Variants in RSPO2 observed in about 807,000 individuals in gnomAD.
The protein encoded by RSPO2 is R-spondin-2.
RSPO2 carries 14 observed loss-of-function variants against 30.9 expected under a neutral mutation model. That is an observed-to-expected ratio of 0.45 (90% CI 0.30 to 0.71). The LOEUF (loss-of-function observed/expected upper bound fraction) is 0.71, where lower values mean the gene tolerates loss of function less well. RSPO2 is among the 30% of genes least tolerant of loss of function. The pLI, the probability that RSPO2 is intolerant of heterozygous loss-of-function variation, is 0.08. For missense variants in RSPO2, 264 were observed against 301.9 expected (o/e 0.87, Z 0.93); for synonymous variants, 107 against 96.4 (o/e 1.11, Z -0.64).
At position 107,975,785 on chromosome 8, in the gene RSPO2, T is replaced by C. The variant is rs564460320; in HGVS notation, c.283+13271A>G. Reference sequence around the variant, plus strand: ...TAAAATCAATTGACAATTGTGAGATTTTCTAGATATACGGTTTTATCCCAG... The same window carrying C: ...TAAAATCAATTGACAATTGTGAGATCTTCTAGATATACGGTTTTATCCCAG... On this transcript the variant is annotated intron_variant, in intron 3 of 5. Transcript: ENST00000276659. Among the ~76,000 whole-genome samples, 7 of 152,324 alleles carry C rather than the reference T, an allele frequency of 4.6e-5. No individual in the cohort carries two copies. The South Asian group carries it at 1.4e-3, about 32-fold the overall frequency.
intron 2 of RSPO2, among the ~76,000 whole-genome samples, chr8:108,032,034 A>C (rs1192077817): frequency 6.6e-6 from 1 of 152,206 alleles, no homozygotes; most frequent in Non-Finnish European, 1.5e-5. Flanking sequence ...AGCTACAGCT[A>C]CAGCTATGGC....
At chr8:107,983,908 A>T (rs1204531206) in intron 3 of RSPO2, 3 of 1,317,788 alleles carry the variant, frequency 2.3e-6, no homozygotes, top group Admixed American at 1.8e-5. Flanking sequence ...TGGATTTTCC[A>T]TCTACAGAAC....
chr8:107,949,312 A>G (rs985761233), intron 5 of RSPO2, among the ~76,000 whole-genome samples: 1 of 152,158 alleles, frequency 6.6e-6, no homozygotes, highest in Middle Eastern at 3.2e-3. Context: ...AACTCCACCC[A>G]GGTTGCTGCA....
intron 3 of RSPO2, among the ~76,000 whole-genome samples, chr8:107,988,258 T>G (rs1009870273): frequency 9.2e-5 from 14 of 152,078 alleles, no homozygotes; most frequent in Non-Finnish European, 1.5e-5. Context: ...CCTAAACATT[T>G]TAGTTATATT....
chr8:108,053,744 A>G (rs932963104), intron 2 of RSPO2, among the ~76,000 whole-genome samples: 1 of 152,206 alleles, frequency 6.6e-6, no homozygotes, highest in African/African-American at 2.4e-5. Context: ...AGTTATTACA[A>G]TTCTATACTT....
At position 108,083,202 on chromosome 8, in the gene RSPO2, G is replaced by C. The variant is rs1437399424; in HGVS notation, c.-175C>G. ...CCTTGGTGTGGGTTGCCTACCGTGC[G>C]CACGTCTCGGGCGGCGCGGCCTCCC... On this transcript the variant is annotated 5_prime_UTR_variant, in exon 1 of 6. Transcript: ENST00000276659. The C allele has an allele frequency of 6.6e-6, 1 of 152,340 alleles. No homozygotes were observed. The highest frequency in any genetic ancestry group is 2.4e-5 in the African/African-American group (1 of 41,470). The allele number at this position is 152,340 out of a possible 1,614,324, so 9.4% of individuals were successfully genotyped here.
chr8:108,063,188 C>A (rs1298458539), intron 2 of RSPO2, among the ~76,000 whole-genome samples: 1 of 151,720 alleles, frequency 6.6e-6, no homozygotes, highest in East Asian at 1.9e-4. Flanking sequence ...CCAGGGCAAT[C>A]AGGCAGGAGA....
intron 2 of RSPO2, among the ~76,000 whole-genome samples, chr8:108,080,832 A>G (rs1193514681): frequency 6.6e-6 from 1 of 152,210 alleles, no homozygotes; most frequent in African/African-American, 2.4e-5. Context: ...AGTTTTTCTA[A>G]GTAGACTGCA....
chr8:107,937,325 G>A (rs1035293800), intron 5 of RSPO2, among the ~76,000 whole-genome samples: 1 of 151,876 alleles, frequency 6.6e-6, no homozygotes, highest in African/African-American at 2.4e-5. Context: ...TTTATTTCTG[G>A]ACTATTTTGT....
At chr8:108,024,983 T>C (rs1473696325) in intron 2 of RSPO2, among the ~76,000 whole-genome samples, 2 of 152,116 alleles carry the variant, frequency 1.3e-5, no homozygotes, top group African/African-American at 4.8e-5. Flanking sequence ...CATGCCACTG[T>C]ACTCCAGTCT....
At position 107,926,749 on chromosome 8, in the gene RSPO2, G is replaced by A. The variant is rs1478686892; in HGVS notation, c.617-25559C>T. On this transcript the variant is annotated intron_variant, in intron 5 of 5. Coordinates refer to ENST00000276659, the MANE Select transcript of RSPO2 (RefSeq NM_178565.5). Reference sequence around the variant, plus strand: ...CTGAGGGCTCTGTTCTGTTCCATTGGTCAATATCTCTATTTTGGTACCAGT... The same window carrying A: ...CTGAGGGCTCTGTTCTGTTCCATTGATCAATATCTCTATTTTGGTACCAGT... 8.6e-5 allele frequency among the ~76,000 whole-genome samples: 13 copies of A among 152,032 alleles called. 1 individual carries two copies. The highest frequency in any genetic ancestry group is 2.0e-4 in the Admixed American group (3 of 15,242).
intron 2 of RSPO2, among the ~76,000 whole-genome samples, chr8:108,051,561 G>C (rs1447523683): frequency 6.6e-6 from 1 of 152,222 alleles, no homozygotes; most frequent in Non-Finnish European, 1.5e-5. Flanking sequence ...GAGCAGGGCA[G>C]AAGACTCAGG....
chr8:108,003,033 A>G (rs1375378418), intron 2 of RSPO2, among the ~76,000 whole-genome samples: 1 of 149,464 alleles, frequency 6.7e-6, no homozygotes, highest in Non-Finnish European at 1.5e-5. Context: ...AGACTTGCAC[A>G]GAATTTAGAC....
At chr8:107,981,604 C>T (rs1814437006) in intron 3 of RSPO2, among the ~76,000 whole-genome samples, 1 of 152,094 alleles carries the variant, frequency 6.6e-6, no homozygotes, top group African/African-American at 2.4e-5. Context: ...TTTAAAAACA[C>T]CTAAATAGTG....
chr8:107,976,610 G>A (rs1267417916), intron 3 of RSPO2, among the ~76,000 whole-genome samples: 1 of 152,156 alleles, frequency 6.6e-6, no homozygotes, highest in Non-Finnish European at 1.5e-5. Context: ...TGATCTCACA[G>A]TCTCTGCTAA....
At chr8:107,961,707 CACTGACCTTACAAA>C (rs1251452133) in intron 3 of RSPO2, among the ~76,000 whole-genome samples, 1 of 152,144 alleles carries the variant, frequency 6.6e-6, no homozygotes, top group Non-Finnish European at 1.5e-5. Flanking sequence ...ACAGGGGCAT[CACTGACCTTACAAA>C]ACTATTGTAA....
intron 5 of RSPO2, among the ~76,000 whole-genome samples, chr8:107,924,019 A>T (rs749934245): frequency 4.6e-5 from 7 of 151,886 alleles, no homozygotes; most frequent in Non-Finnish European, 7.4e-5. Context: ...TGATTAAATA[A>T]TCTGTACAAA....
At chr8:108,020,723 C>T (rs796310316) in intron 2 of RSPO2, among the ~76,000 whole-genome samples, 40 of 152,260 alleles carry the variant, frequency 2.6e-4, no homozygotes, top group African/African-American at 7.2e-4. Flanking sequence ...ATACAATTCC[C>T]TAACCTATAA....
At chr8:107,979,901 A>C (rs1814363294) in intron 3 of RSPO2, among the ~76,000 whole-genome samples, 2 of 152,124 alleles carry the variant, frequency 1.3e-5, no homozygotes, top group African/African-American at 2.4e-5. Flanking sequence ...CTCTCTGCTC[A>C]ACCTATTTCC....
Sources: allele counts gnomAD v4.1 joint callset (sites outside exome capture counted in the v4.1 genomes callset), GRCh38; gene constraint gnomAD v4.1.1; transcripts MANE v1.5; gene names NCBI Gene and HGNC (gene_info 2026-07-23, HGNC 2026-07-21).